The following HNRNPH1 variants were observed in gnomAD, a reference collection of about 807,000 sequenced individuals.
The protein encoded by HNRNPH1 is heterogeneous nuclear ribonucleoprotein H1, also known as heterogeneous nuclear ribonucleoprotein H.
Under a neutral mutation model 58.6 loss-of-function variants are expected in HNRNPH1, and 4 were observed. The observed-to-expected ratio is 0.07, with a 90% CI of 0.03 to 0.16. The LOEUF (loss-of-function observed/expected upper bound fraction) is 0.16, where lower values mean the gene tolerates loss of function less well. HNRNPH1 is among the 10% of genes least tolerant of loss of function. The pLI, the probability that HNRNPH1 is intolerant of heterozygous loss-of-function variation, is 1.00. For synonymous variants in HNRNPH1, 192 were observed against 189.2 expected, an observed-to-expected ratio of 1.01 and a Z score of -0.12; for missense variants, 271 against 564.2, an observed-to-expected ratio of 0.48 and a Z score of 5.26.
exon 1 of HNRNPH1, chr5:179,623,851 C>G (rs867662474): frequency 1.3e-5 from 2 of 152,326 alleles, no homozygotes; most frequent in Non-Finnish European, 1.5e-5. Flanking sequence ...TCAGCACCCC[C>G]ACCCATAAAC....
exon 7 of HNRNPH1, chr5:179,617,928 G>A: frequency 6.2e-7 from 1 of 1,614,064 alleles, no homozygotes; most frequent in African/African-American, 1.3e-5. Context: ...AACAGTAATT[G>A]AGGTCTAGAT....
intron 3 of HNRNPH1, 72 bp downstream of exon 4, chr5:179,620,818 CTT>C: frequency 2.2e-6 from 3 of 1,388,846 alleles, no homozygotes; most frequent in Non-Finnish European, 3.0e-6. Context: ...AGCTACTCAA[CTT>C]TAACGTCTAT....
chr5:179,619,557 C>T, intron 3 of HNRNPH1, 150 bp from the exon 5 acceptor site: 1 of 595,888 alleles, frequency 1.7e-6, no homozygotes, highest in Non-Finnish European at 3.0e-6. Flanking sequence ...ATATGCATTG[C>T]AATAATATGA....
At chr5:179,627,003 G>C (rs984930315), upstream of HNRNPH1, among the ~76,000 whole-genome samples, 3 of 151,994 alleles carry the variant, frequency 2.0e-5, no homozygotes, top group South Asian at 6.2e-4. Context: ...GGATGGTCTC[G>C]ATCTCCTAAC....
chr5:179,617,205 C>G, intron 8 of HNRNPH1, 95 bp from the exon 10 acceptor site: 1 of 1,210,988 alleles, frequency 8.3e-7, no homozygotes, highest in Non-Finnish European at 1.2e-6. Flanking sequence ...GATCTGTGAA[C>G]TTCAAATACT....
intron 7 of HNRNPH1, 62 bp from the exon 9 acceptor site, chr5:179,617,711 A>G: frequency 6.2e-7 from 1 of 1,602,924 alleles, no homozygotes; most frequent in East Asian, 2.2e-5. Context: ...AAAAACCTAA[A>G]ATTTCTAACA....
chr5:179,621,176 C>A, intron 2 of HNRNPH1, 66 bp downstream of exon 3: 1 of 1,536,836 alleles, frequency 6.5e-7, no homozygotes, highest in South Asian at 1.1e-5. Context: ...ACCTAAAATT[C>A]AGAAGGGGTG....
chr5:179,621,555 A>T (rs1772333632), intron 1 of HNRNPH1, 158 bp from the exon 3 acceptor site: 1 of 589,198 alleles, frequency 1.7e-6, no homozygotes, highest in South Asian at 2.3e-5. Flanking sequence ...AACTCCAATT[A>T]AAAAAAAACA....
chr5:179,621,766 G>C (rs1161628150), intron 1 of HNRNPH1: 2 of 369,340 alleles, frequency 5.4e-6, no homozygotes. Context: ...TTGGTCTGGG[G>C]CATTTATCCG....
exon 13 of HNRNPH1, chr5:179,614,909 AT>A: frequency 6.5e-7 from 1 of 1,550,140 alleles, no homozygotes; most frequent in Non-Finnish European, 8.7e-7. Context: ...ACGCCCATAG[AT>A]GCACGGCTTC....
At chr5:179,619,668 C>T (rs1373433628) in intron 3 of HNRNPH1, 1 of 267,830 alleles carries the variant, frequency 3.7e-6, no homozygotes, top group East Asian at 6.5e-5. Flanking sequence ...AATTCAACAA[C>T]TTAAGAACAC....
rs997974246 is a variant in HNRNPH1, at chr5:179,616,103, G to A, written c.1300+23C>T. On this transcript the variant is annotated intron_variant, in intron 11 of 12. Transcript: ENST00000356731. ...CAGGCTTTACCATAACTTACTCTAA[G>A]TACAGTAACAAACAGGCTTTACCGT... 4 of 1,560,592 alleles carry A rather than the reference G, an allele frequency of 2.6e-6. No homozygotes were observed. In the South Asian group the frequency reaches 3.3e-5, roughly 13 times the overall value.
At chr5:179,616,075 G>T (rs531557282) in intron 11 of HNRNPH1, 51 bp downstream of exon 12, 2 of 1,447,296 alleles carry the variant, frequency 1.4e-6, no homozygotes, top group African/African-American at 2.8e-5. Flanking sequence ...GTACAGTAAT[G>T]AACAGGCTTT....
In HNRNPH1 at chr5:179,617,306, G is replaced by C. The variant is rs1174486607; in HGVS notation, c.1058-196C>G. The stretch of plus-strand genomic sequence containing the variant: ...ATATTCATCTGTATTGTCAATTAAG[G>C]ATATACACTTCAAGATGTGCATATC... On this transcript the variant is annotated intron_variant, in intron 8 of 12. Transcript: ENST00000356731. The C allele has an allele frequency of 5.5e-6, 4 of 729,440 alleles. No individual in the cohort carries two copies. In the East Asian group the frequency reaches 1.1e-4, roughly 20 times the overall value. The allele number at this position is 729,440 out of a possible 1,614,324, so 45.2% of individuals were successfully genotyped here.
exon 13 of HNRNPH1, chr5:179,614,859 A>G (rs1768730237): frequency 6.5e-7 from 1 of 1,530,466 alleles, no homozygotes; most frequent in Non-Finnish European, 8.8e-7. Context: ...CCCATCCACC[A>G]CTCATACTGG....
intron 12 of HNRNPH1, chr5:179,615,165 C>G: frequency 2.0e-6 from 1 of 500,080 alleles, no homozygotes; most frequent in Non-Finnish European, 3.6e-6. Flanking sequence ...TTGCCAGACT[C>G]TTGTGCTACC....
At chr5:179,631,850 G>A (rs1349664842) in intron 2 of HNRNPH1, among the ~76,000 whole-genome samples, 2 of 152,112 alleles carry the variant, frequency 1.3e-5, no homozygotes, top group Non-Finnish European at 2.9e-5. Context: ...CCCAGGAGGT[G>A]GAGGATGCAG....
At chr5:179,620,638 G>T in intron 3 of HNRNPH1, 1 of 404,908 alleles carries the variant, frequency 2.5e-6, no homozygotes, top group South Asian at 3.6e-5. Context: ...TTAAGCTGTT[G>T]AGGGCAATCC....
At chr5:179,615,740 TTCTCCC>T in intron 11 of HNRNPH1, 145 bp from the exon 13 acceptor site, 1 of 543,712 alleles carries the variant, frequency 1.8e-6, no homozygotes, top group Non-Finnish European at 3.3e-6. Context: ...CTATTTCAAA[TTCTCCC>T]TCTGTCTAAA....
Sources: allele counts gnomAD v4.1 joint callset (sites outside exome capture counted in the v4.1 genomes callset), GRCh38; gene constraint gnomAD v4.1.1; transcripts MANE v1.5; gene names NCBI Gene and HGNC (gene_info 2026-07-23, HGNC 2026-07-21).